TOM1L2: variants seen among roughly 807,000 people sequenced by gnomAD.
The protein encoded by TOM1L2 is target of myb1 like 2 membrane trafficking protein, also known as TOM1-like protein 2.
TOM1L2 carries 31 observed loss-of-function variants against 67.9 expected under a neutral mutation model. That is an observed-to-expected ratio of 0.46 (90% CI 0.34 to 0.62). TOM1L2 has a LOEUF of 0.62. TOM1L2 is among the 20% of genes least tolerant of loss of function. The pLI, the probability that TOM1L2 is intolerant of heterozygous loss-of-function variation, is 0.01. For synonymous variants in TOM1L2, 256 were observed against 254.0 expected (o/e 1.01, Z -0.07); for missense variants, 606 against 663.5 (o/e 0.91, Z 0.95).
intron 2 of TOM1L2, among the ~76,000 whole-genome samples, chr17:17,901,070 ACAGT>A (rs2038829791): frequency 6.6e-6 from 1 of 152,218 alleles, no homozygotes; most frequent in Non-Finnish European, 1.5e-5. Context: ...GGGAAATCAG[ACAGT>A]CAGCAGCTTC....
intron 7 of TOM1L2, 146 bp from the exon 8 acceptor site, chr17:17,869,619 G>A: frequency 3.6e-6 from 5 of 1,405,996 alleles, no homozygotes; most frequent in Non-Finnish European, 4.6e-6. Context: ...CGAATTCAAA[G>A]TAGAAGTTCC....
Position 17,843,743 on chromosome 17 carries a change from G to GC in TOM1L2, c.*3891dup. 6.6e-6 allele frequency: 1 copy of GC among 152,624 alleles called. No homozygotes were observed. The highest frequency in any genetic ancestry group is 1.9e-4 in the East Asian group (1 of 5,188). 9.5% of individuals were successfully genotyped at this position (152,624 alleles called of 1,614,324 possible). A position where few individuals can be genotyped will look rare whatever the true frequency, so the allele number is the denominator to read the frequency against. On this transcript the variant is annotated 3_prime_UTR_variant, in exon 15 of 15. Coordinates refer to ENST00000379504, the MANE Select transcript of TOM1L2 (RefSeq NM_001082968.2). ...ATTCAACACATTCCTCTTTTCAGTA[G>GC]CCCCCAACAATCCTGAGAATCCTCA...
At chr17:17,907,009 G>T (rs2039129228) in intron 2 of TOM1L2, among the ~76,000 whole-genome samples, 1 of 152,232 alleles carries the variant, frequency 6.6e-6, no homozygotes. Context: ...CCCACTCCCG[G>T]CCGTGTCTGC....
At chr17:17,867,570 G>A (rs1398189623) in intron 8 of TOM1L2, among the ~76,000 whole-genome samples, 1 of 152,228 alleles carries the variant, frequency 6.6e-6, no homozygotes. Flanking sequence ...GGTGGGGAAC[G>A]GAAGAGTAGT....
chr17:17,903,746 G>A (rs2038963311), intron 2 of TOM1L2, among the ~76,000 whole-genome samples: 1 of 152,086 alleles, frequency 6.6e-6, no homozygotes, highest in Admixed American at 6.5e-5. Context: ...AAACTGTGAT[G>A]AGCATCAGTA....
Position 17,879,740 on chromosome 17 carries a change from C to A in TOM1L2, c.664G>T (p.Ala222Ser), listed in dbSNP as rs753560204. Residue 222 changes from alanine (A) to serine (S), a missense_variant, in exon 7 of 15, where the codon GCC becomes TCC. By Grantham distance (99) the Ala-to-Ser change is moderately conservative. Transcript: ENST00000379504. ...GPITANSEQI[A>S]RLRSELDVVR... ...ACGTCCAGTTCACTCCGCAGCCTGGCAATCTGGTGGGGGCCACGAGGAAGG... is the reference window on the plus strand; with the variant it reads ...ACGTCCAGTTCACTCCGCAGCCTGGAAATCTGGTGGGGGCCACGAGGAAGG... The A allele has an allele frequency of 6.2e-7, 1 of 1,613,926 alleles. No homozygotes were observed. The highest frequency in any genetic ancestry group is 1.1e-5 in the South Asian group (1 of 91,066).
chr17:17,931,712 A>G (rs2040342737), intron 1 of TOM1L2, among the ~76,000 whole-genome samples: 2 of 152,270 alleles, frequency 1.3e-5, no homozygotes, highest in Non-Finnish European at 2.9e-5. Flanking sequence ...TCTGACATGC[A>G]GTAGCTTCAT....
At chr17:17,868,417 T>G (rs971050427) in intron 8 of TOM1L2, among the ~76,000 whole-genome samples, 13 of 152,228 alleles carry the variant, frequency 8.5e-5, no homozygotes, top group Non-Finnish European at 5.9e-5. Flanking sequence ...CCCTAACTGA[T>G]GCCAGGTCCT....
chr17:17,897,232 A>C (rs1300122175), intron 3 of TOM1L2, among the ~76,000 whole-genome samples: 1 of 152,222 alleles, frequency 6.6e-6, no homozygotes, highest in Non-Finnish European at 1.5e-5. Flanking sequence ...CGTTTTGGGC[A>C]TCACTCCTGG....
At chr17:17,967,832 T>A (rs956100116) in intron 1 of TOM1L2, among the ~76,000 whole-genome samples, 3 of 152,090 alleles carry the variant, frequency 2.0e-5, no homozygotes, top group African/African-American at 7.2e-5. Flanking sequence ...GGTCTTGAAC[T>A]CCTAACCTCA....
At chr17:17,909,567 A>C (rs2039250428) in intron 1 of TOM1L2, among the ~76,000 whole-genome samples, 1 of 123,464 alleles carries the variant, frequency 8.1e-6, no homozygotes, top group Non-Finnish European at 1.6e-5. Flanking sequence ...AGAAAGTAGA[A>C]TGGTGGTTGC....
intron 10 of TOM1L2, among the ~76,000 whole-genome samples, chr17:17,866,081 G>A (rs368237767): frequency 6.6e-6 from 1 of 152,178 alleles, no homozygotes; most frequent in East Asian, 1.9e-4. Context: ...CCCCATCCCT[G>A]CTTTCCAACA....
At chr17:17,939,722 A>ATTGTG (rs1294072926) in intron 1 of TOM1L2, among the ~76,000 whole-genome samples, 4 of 152,260 alleles carry the variant, frequency 2.6e-5, no homozygotes, top group African/African-American at 9.6e-5. Context: ...TGAAGATAAA[A>ATTGTG]TTGACACATT....
chr17:17,966,614 T>G (rs1276164048), intron 1 of TOM1L2, among the ~76,000 whole-genome samples: 1 of 152,058 alleles, frequency 6.6e-6, no homozygotes, highest in African/African-American at 2.4e-5. Flanking sequence ...GAGCTCAGAG[T>G]GCAAAAAGTA....
chr17:17,844,947 G>A lies in TOM1L2; in HGVS notation c.*2688C>T, dbSNP rs565990770. 6.6e-6 allele frequency: 1 copy of A among 152,458 alleles called. No individual in the cohort carries two copies. The allele number at this position is 152,458 out of a possible 1,614,324, so 9.4% of individuals were successfully genotyped here. On this transcript the variant is annotated 3_prime_UTR_variant, in exon 15 of 15. Coordinates refer to ENST00000379504, the MANE Select transcript of TOM1L2 (RefSeq NM_001082968.2). ...GTATCTGTGATTTCTAACACTCACGGAGAGGCTGGTGGGCCTTGAGAGTCC... is the reference window on the plus strand; with the variant it reads ...GTATCTGTGATTTCTAACACTCACGAAGAGGCTGGTGGGCCTTGAGAGTCC...
chr17:17,881,583 C>G (rs1265505131), intron 6 of TOM1L2, among the ~76,000 whole-genome samples: 1 of 152,224 alleles, frequency 6.6e-6, no homozygotes, highest in African/African-American at 2.4e-5. Context: ...TTCTTTCCCA[C>G]AGCACTTGGG....
intron 1 of TOM1L2, among the ~76,000 whole-genome samples, chr17:17,948,094 C>G (rs754556673): frequency 6.6e-6 from 1 of 152,158 alleles, no homozygotes; most frequent in Non-Finnish European, 1.5e-5. Context: ...AACTAAGGCT[C>G]AGAGACATTA....
rs151155378 is a variant in TOM1L2 at position 17,884,717 on chromosome 17, T to C, written c.418A>G (p.Ile140Val). The change falls in exon 5 of 15, where the codon ATA (isoleucine) becomes GTA (valine). Residue 140 changes from isoleucine to valine, a missense_variant. By Grantham distance (29) the Ile-to-Val change is conservative. This residue lies in a region of TOM1L2 where 543 missense variants were observed against 554.0 expected (regional missense o/e 0.98). Coordinates refer to ENST00000379504, the MANE Select transcript of TOM1L2 (RefSeq NM_001082968.2). Reference protein sequence around the residue: ...SSPDLTGVVHIYEELKRKGVE... With the variant: ...SSPDLTGVVHVYEELKRKGVE... ...CCTTTCCTCTTCAGCTCCTCATATA[T>C]GTGCACAACGCCGGTGAGATCAGGA... The C allele has an allele frequency of 1.2e-6, 2 of 1,613,928 alleles. No homozygotes were observed. Among genetic ancestry groups the C allele is most frequent in the South Asian group, 1.1e-5 (1 of 91,070 alleles).
At chr17:17,917,167 T>TA (rs1453003677) in intron 1 of TOM1L2, among the ~76,000 whole-genome samples, 6 of 150,944 alleles carry the variant, frequency 4.0e-5, no homozygotes, top group Non-Finnish European at 8.9e-5. Context: ...CTAAAAAAAT[T>TA]AAAAAATTTA....
Sources: allele counts gnomAD v4.1 joint callset (sites outside exome capture counted in the v4.1 genomes callset), GRCh38; gene constraint gnomAD v4.1.1; regional missense constraint gnomAD v4.1.1; transcripts MANE v1.5; gene names NCBI Gene and HGNC (gene_info 2026-07-23, HGNC 2026-07-21).